The following ARHGAP24 variants were observed in gnomAD, a reference collection of about 807,000 sequenced individuals.
The protein encoded by ARHGAP24 is Rho GTPase activating protein 24.
Under a neutral mutation model 76.4 loss-of-function variants are expected in ARHGAP24, and 50 were observed. The observed-to-expected ratio is 0.65, with a 90% CI of 0.52 to 0.83. The LOEUF (loss-of-function observed/expected upper bound fraction) is 0.83. ARHGAP24 is among the 40% of genes least tolerant of loss of function. The pLI, the probability that ARHGAP24 is intolerant of heterozygous loss-of-function variation, is 0.00. For missense variants in ARHGAP24, 930 were observed against 914.2 expected, an observed-to-expected ratio of 1.02 and a Z score of -0.22; for synonymous variants, 345 against 323.3, an observed-to-expected ratio of 1.07 and a Z score of -0.72.
chr4:85,989,567 G>T (rs1740202809), intron 8 of ARHGAP24, among the ~76,000 whole-genome samples: 1 of 151,606 alleles, frequency 6.6e-6, no homozygotes, highest in Non-Finnish European at 1.5e-5. Flanking sequence ...TATCAAAACA[G>T]ATAAAGACAT....
At chr4:85,639,743 A>C (rs72982087) in intron 2 of ARHGAP24, among the ~76,000 whole-genome samples, 3,715 of 149,808 alleles carry the variant, frequency 0.025, 167 homozygotes, top group African/African-American at 0.086. Flanking sequence ...CCTTTTTTTC[A>C]TTAAGTAGTC....
intron 3 of ARHGAP24, among the ~76,000 whole-genome samples, chr4:85,789,804 A>T (rs1342716628): frequency 6.6e-6 from 1 of 152,178 alleles, no homozygotes; most frequent in Non-Finnish European, 1.5e-5. Context: ...AATGCTAAGG[A>T]TATACTAGAA....
chr4:85,499,453 C>G (rs897005127), intron 1 of ARHGAP24, among the ~76,000 whole-genome samples: 4 of 152,164 alleles, frequency 2.6e-5, no homozygotes, highest in African/African-American at 7.2e-5. Context: ...AACTAGAAAG[C>G]CTTTATCACC....
At chr4:85,561,450 A>G (rs371255233) in intron 1 of ARHGAP24, among the ~76,000 whole-genome samples, 1 of 152,244 alleles carries the variant, frequency 6.6e-6, no homozygotes, top group African/African-American at 2.4e-5. Flanking sequence ...TTCTTCAAGA[A>G]AAAGGTGGTA....
chr4:85,923,058 A>G (rs549802811), intron 3 of ARHGAP24, among the ~76,000 whole-genome samples: 1 of 149,130 alleles, frequency 6.7e-6, no homozygotes, highest in African/African-American at 2.5e-5. Context: ...CTTCTTTCCT[A>G]CCTCCTCTTT....
At chr4:85,669,664 T>TGTG (rs373210746) in intron 2 of ARHGAP24, among the ~76,000 whole-genome samples, 14 of 61,692 alleles carry the variant, frequency 2.3e-4, no homozygotes, top group South Asian at 1.7e-3. Flanking sequence ...TATATATATA[T>TGTG]ATATATATAT....
chr4:85,480,483 A>G (rs1237491219), intron 1 of ARHGAP24, among the ~76,000 whole-genome samples: 2 of 152,164 alleles, frequency 1.3e-5, no homozygotes, highest in Non-Finnish European at 2.9e-5. Flanking sequence ...TAATACCCTT[A>G]TGATACCCAC....
chr4:85,881,980 A>G (rs1733280006), intron 3 of ARHGAP24, among the ~76,000 whole-genome samples: 1 of 152,244 alleles, frequency 6.6e-6, no homozygotes, highest in South Asian at 2.1e-4. Flanking sequence ...TTCCGTAGTC[A>G]TATTGATCAT....
intron 2 of ARHGAP24, among the ~76,000 whole-genome samples, chr4:85,581,462 A>C (rs572324456): frequency 6.6e-6 from 1 of 152,292 alleles, no homozygotes; most frequent in South Asian, 2.1e-4. Flanking sequence ...AACTTGTTCT[A>C]CTTTGTGGCC....
At chr4:85,885,904 A>G (rs1391663918) in intron 3 of ARHGAP24, among the ~76,000 whole-genome samples, 3 of 152,140 alleles carry the variant, frequency 2.0e-5, no homozygotes, top group Non-Finnish European at 2.9e-5. Flanking sequence ...TGGATTAGTT[A>G]TGCACTTCCT....
At chr4:85,926,374 T>C (rs1268381660) in intron 4 of ARHGAP24, among the ~76,000 whole-genome samples, 1 of 152,204 alleles carries the variant, frequency 6.6e-6, no homozygotes, top group African/African-American at 2.4e-5. Flanking sequence ...ATTATGAGAC[T>C]GCAAGGCAAG....
intron 2 of ARHGAP24, among the ~76,000 whole-genome samples, chr4:85,704,730 G>A (rs1016453259): frequency 6.6e-6 from 1 of 152,080 alleles, no homozygotes; most frequent in African/African-American, 2.4e-5. Flanking sequence ...TCCGAGGACA[G>A]GTTCTACATT....
chr4:85,552,944 C>T (rs569366217), intron 1 of ARHGAP24, among the ~76,000 whole-genome samples: 6 of 152,156 alleles, frequency 3.9e-5, no homozygotes, highest in South Asian at 2.1e-4. Context: ...TCGCTGGTCT[C>T]GCTGACTTCA....
At chr4:85,646,059 A>G (rs1272062922) in intron 2 of ARHGAP24, among the ~76,000 whole-genome samples, 2 of 152,106 alleles carry the variant, frequency 1.3e-5, no homozygotes, top group Non-Finnish European at 2.9e-5. Context: ...TAACTACAAA[A>G]TAACAAGAGT....
intron 3 of ARHGAP24, among the ~76,000 whole-genome samples, chr4:85,767,767 G>A (rs556313033): frequency 3.9e-5 from 6 of 152,250 alleles, no homozygotes; most frequent in Non-Finnish European, 8.8e-5. Flanking sequence ...CAGAGAGAAA[G>A]GCTCTTAGCA....
chr4:85,989,557 T>C (rs933322694), intron 8 of ARHGAP24, among the ~76,000 whole-genome samples: 4 of 151,704 alleles, frequency 2.6e-5, no homozygotes, highest in East Asian at 1.9e-4. Flanking sequence ...GTTGCTCTAA[T>C]ATCAAAACAG....
intron 3 of ARHGAP24, among the ~76,000 whole-genome samples, chr4:85,742,353 A>G (rs1440589642): frequency 6.6e-6 from 1 of 152,234 alleles, no homozygotes; most frequent in Non-Finnish European, 1.5e-5. Context: ...GAGGAGGAAA[A>G]TAAGAAAAGG....
intron 2 of ARHGAP24, among the ~76,000 whole-genome samples, chr4:85,699,462 T>A (rs1469865834): frequency 6.6e-6 from 1 of 152,040 alleles, no homozygotes; most frequent in East Asian, 1.9e-4. Context: ...GTTAGCCAGA[T>A]GTGGTGGTGC....
At chr4:85,692,379 G>T (rs1485781672) in intron 2 of ARHGAP24, among the ~76,000 whole-genome samples, 1 of 152,112 alleles carries the variant, frequency 6.6e-6, no homozygotes, top group Non-Finnish European at 1.5e-5. Context: ...TCTCTAACAA[G>T]ATTAGGGCAA....
Sources: gnomAD v4.1 joint callset for allele counts (sites outside exome capture counted in the v4.1 genomes callset) on GRCh38, gnomAD v4.1.1 for gene constraint, MANE v1.5 for transcripts, NCBI Gene and HGNC (gene_info 2026-07-23, HGNC 2026-07-21) for gene names.